Variants in POLR3H observed in about 807,000 individuals in gnomAD.
POLR3H encodes the protein RNA polymerase III subunit H, also known as DNA-directed RNA polymerase III subunit RPC8.
Under a neutral mutation model 25.5 loss-of-function variants are expected in POLR3H, and 17 were observed. The ratio of observed to expected loss-of-function variants is 0.67; its 90% CI spans 0.46 to 1.00. POLR3H has a LOEUF of 1.00. Ranked by LOEUF, POLR3H falls within the 50% of genes least tolerant of loss-of-function variation. The pLI, the probability that POLR3H is intolerant of heterozygous loss-of-function variation, is 0.00. For synonymous variants in POLR3H, 129 were observed against 103.0 expected (o/e 1.25, Z -1.53); for missense variants, 274 against 265.0 (o/e 1.03, Z -0.24).
rs775037630 is a variant in POLR3H, at chr22:41,530,885, G to A, written c.363C>T (p.Asp121=). The A allele has an allele frequency of 4.2e-5, 67 of 1,613,566 alleles. No homozygotes were observed. Among genetic ancestry groups the A allele is most frequent in the Non-Finnish European group, 5.1e-5 (60 of 1,180,018 alleles). The change falls in exon 5 of 6, where the codon GAC becomes GAT. Residue 121 remains aspartate (D), a synonymous_variant. Coordinates refer to ENST00000355209, the MANE Select transcript of POLR3H (RefSeq NM_001018050.4). ...CCCACACCCACACCTGCTCCGCTTC[G>A]TCGCTGAGGGGGTCCAGGGTCAAGG... ...PESLQQPAKF[D]EAEQVWVWEY... is the part of the protein sequence containing the mutation.
At chr22:41,538,556 G>A (rs900340945) in intron 2 of POLR3H, among the ~76,000 whole-genome samples, 2 of 152,026 alleles carry the variant, frequency 1.3e-5, no homozygotes, top group Non-Finnish European at 2.9e-5. Context: ...CACCACACCC[G>A]GCCGCAACTT....
chr22:41,527,537 G>T lies in POLR3H; in HGVS notation c.*1746C>A, dbSNP rs773647833. 22 of 1,384,062 alleles carry T rather than the reference G, an allele frequency of 1.6e-5. No homozygotes were observed. The highest frequency in any genetic ancestry group is 2.7e-4 in the Middle Eastern group (1 of 3,754). 85.7% of individuals were successfully genotyped at this position (1,384,062 alleles called of 1,614,324 possible). A position where few individuals can be genotyped will look rare whatever the true frequency, so the allele number is the denominator to read the frequency against. On this transcript the variant is annotated 3_prime_UTR_variant, in exon 6 of 6. Coordinates refer to ENST00000355209, the MANE Select transcript of POLR3H (RefSeq NM_001018050.4). Reference sequence around the variant, plus strand: ...AGGCTGTGTCCACTGCAGCCCACAGGCCCGTCAGCCTCTTGCCCCTTCTTA... The same window carrying T: ...AGGCTGTGTCCACTGCAGCCCACAGTCCCGTCAGCCTCTTGCCCCTTCTTA...
At chr22:41,534,937 G>T (rs1424479497) in intron 2 of POLR3H, among the ~76,000 whole-genome samples, 1 of 151,746 alleles carries the variant, frequency 6.6e-6, no homozygotes, top group East Asian at 1.9e-4. Context: ...TAGTGGTGAT[G>T]GCTTAGCTGA....
chr22:41,533,954 C>T (rs1251389264), intron 2 of POLR3H, among the ~76,000 whole-genome samples: 1 of 152,112 alleles, frequency 6.6e-6, no homozygotes, highest in Non-Finnish European at 1.5e-5. Context: ...GCCTGGCCAA[C>T]ATGATAAAAC....
intron 2 of POLR3H, among the ~76,000 whole-genome samples, chr22:41,537,964 A>G (rs1265204668): frequency 6.8e-6 from 1 of 146,250 alleles, no homozygotes; most frequent in African/African-American, 2.5e-5. Context: ...AGACCTGGCT[A>G]ATTTTTTTTT....
rs376328396 is a variant in POLR3H, at chr22:41,540,226, G to A, written c.208+473C>T. The stretch of plus-strand genomic sequence containing the variant: ...CTTCCGTCTGCTCTCCACAGGCAGC[G>A]GGAAGCCCGAGGAATGGACAAGGTG... On this transcript the variant is annotated intron_variant, in intron 2 of 5. Transcript: ENST00000355209. 28 of 269,708 alleles carry A rather than the reference G, an allele frequency of 1.0e-4. 1 individual carries two copies. Among genetic ancestry groups the A allele is most frequent in the East Asian group, 9.7e-4 (10 of 10,330 alleles). The allele number at this position is 269,708 out of a possible 1,614,324, so 16.7% of individuals were successfully genotyped here.
At chr22:41,541,023 C>A (rs1290163610) in intron 1 of POLR3H, among the ~76,000 whole-genome samples, 2 of 152,146 alleles carry the variant, frequency 1.3e-5, no homozygotes, top group Non-Finnish European at 2.9e-5. Flanking sequence ...GTTCCAAGGC[C>A]AGCTCCACCA....
intron 3 of POLR3H, 118 bp downstream of exon 3, chr22:41,532,541 A>G: frequency 6.4e-7 from 1 of 1,561,604 alleles, no homozygotes; most frequent in Non-Finnish European, 8.7e-7. Context: ...CTTCTCTGAC[A>G]CCACGGGGAA....
At chr22:41,532,260 C>T (rs2066750749) in intron 3 of POLR3H, 103 bp from the exon 4 acceptor site, 1 of 1,163,316 alleles carries the variant, frequency 8.6e-7, no homozygotes, top group African/African-American at 1.5e-5. Flanking sequence ...TGGGGCTGCC[C>T]ACGAGGCGGA....
chr22:41,540,392 G>A lies in POLR3H; in HGVS notation c.208+307C>T, dbSNP rs555860449. On this transcript the variant is annotated intron_variant, in intron 2 of 5. Transcript: ENST00000355209. ...GAGGCCCAGAGAAGAGAAGTCTGCC[G>A]CTGTCACCGGGTCAATTCCTGGCCG... 6.6e-5 allele frequency: 27 copies of A among 406,080 alleles called. 1 individual carries two copies. The highest frequency in any genetic ancestry group is 3.5e-4 in the East Asian group (6 of 17,380). 25.2% of individuals were successfully genotyped at this position (406,080 alleles called of 1,614,324 possible).
Position 41,528,341 on chromosome 22 carries a change from G to C in POLR3H, c.*942C>G, listed in dbSNP as rs2066647435. On this transcript the variant is annotated 3_prime_UTR_variant, in exon 6 of 6. Coordinates refer to ENST00000355209, the MANE Select transcript of POLR3H (RefSeq NM_001018050.4). ...CACCTGGGTCTGACCTGGGCCATCA[G>C]GCACAGACTGGCCTAGGATTTGGTT... The C allele has an allele frequency of 7.8e-7, 1 of 1,277,560 alleles. No individual in the cohort carries two copies. The highest frequency in any genetic ancestry group is 2.5e-5 in the Admixed American group (1 of 39,678). 79.1% of individuals were successfully genotyped at this position (1,277,560 alleles called of 1,614,324 possible).
chr22:41,534,105 C>G (rs2066798206), intron 2 of POLR3H, among the ~76,000 whole-genome samples: 1 of 152,006 alleles, frequency 6.6e-6, no homozygotes, highest in African/African-American at 2.4e-5. Flanking sequence ...CCACTGCGCT[C>G]CAGCCTGGGC....
chr22:41,544,023 C>T lies in POLR3H; in HGVS notation c.79G>A (p.Ala27Thr), dbSNP rs554899880. Reference sequence around the variant, plus strand: ...GCCAACTTCTTGTTCAGCTCCTCGGCAATGGAGTCGTTGAGCTTCCTCTCA... The same window carrying T: ...GCCAACTTCTTGTTCAGCTCCTCGGTAATGGAGTCGTTGAGCTTCCTCTCA... Reference protein sequence around the residue: ...QFERKLNDSIAEELNKKLANK... With the variant: ...QFERKLNDSITEELNKKLANK... The change falls in exon 1 of 6, where the codon GCC becomes ACC. Residue 27 changes from alanine (A) to threonine (T), a missense_variant. Coordinates refer to ENST00000355209, the MANE Select transcript of POLR3H (RefSeq NM_001018050.4). 5.8e-5 allele frequency: 93 copies of T among 1,613,874 alleles called. 1 individual carries two copies. The South Asian group carries it at 9.6e-4, about 17-fold the overall frequency.
chr22:41,529,196 T>G lies in POLR3H; in HGVS notation c.*87A>C, dbSNP rs2066669271. The G allele has an allele frequency of 2.5e-6, 3 of 1,208,302 alleles. No homozygotes were observed. In the South Asian group the frequency reaches 4.0e-5, roughly 16 times the overall value. The allele number at this position is 1,208,302 out of a possible 1,614,324, so 74.8% of individuals were successfully genotyped here. A position where few individuals can be genotyped will look rare whatever the true frequency, so the allele number is the denominator to read the frequency against. On this transcript the variant is annotated 3_prime_UTR_variant, in exon 6 of 6. Transcript: ENST00000355209. Reference sequence around the variant, plus strand: ...CTGTCCAGCTCGAGACACTATCTCCTTAGCATCGGCCTCAGCTGCTGTTGT... The same window carrying G: ...CTGTCCAGCTCGAGACACTATCTCCGTAGCATCGGCCTCAGCTGCTGTTGT...
At chr22:41,543,673 T>C in intron 1 of POLR3H, 4 of 469,574 alleles carry the variant, frequency 8.5e-6, no homozygotes, top group South Asian at 7.5e-5. Flanking sequence ...ACAAAAACAA[T>C]GCATGGCTGG....
intron 3 of POLR3H, 199 bp downstream of exon 3, chr22:41,532,460 G>C: frequency 1.0e-6 from 1 of 957,216 alleles, no homozygotes; most frequent in Admixed American, 2.8e-5. Flanking sequence ...AGTCCTGAGT[G>C]ACGGCCTCAC....
rs1213893717 is a variant in POLR3H, at chr22:41,526,320, G to A, written c.*2963C>T. ...GCTGCTGGCCCCTGGCTCAAGTTCC[G>A]TGGGCACTTGGATAACATCTCCAAC... On this transcript the variant is annotated 3_prime_UTR_variant, in exon 6 of 6. Transcript: ENST00000355209. 1.2e-6 allele frequency: 2 copies of A among 1,612,806 alleles called. No homozygotes were observed. Among genetic ancestry groups the A allele is most frequent in the Non-Finnish European group, 1.7e-6 (2 of 1,180,034 alleles).
rs1363202301 is a variant in POLR3H, at chr22:41,527,972, C to A, written c.*1311G>T. 6.2e-7 allele frequency: 1 copy of A among 1,614,102 alleles called. No homozygotes were observed. The highest frequency in any genetic ancestry group is 1.3e-5 in the African/African-American group (1 of 74,952). ...CCCGGCTGACTACAACAAGATTCAC[C>A]CTGTGGACAAGCTGACCATTCAGGG... On this transcript the variant is annotated 3_prime_UTR_variant, in exon 6 of 6. Transcript: ENST00000355209.
chr22:41,543,791 C>G, intron 1 of POLR3H, 200 bp downstream of exon 1: 1 of 699,534 alleles, frequency 1.4e-6, no homozygotes, highest in Non-Finnish European at 2.7e-6. Flanking sequence ...GAATCTAACA[C>G]TTCCAGTTAC....
Sources: allele counts gnomAD v4.1 joint callset (sites outside exome capture counted in the v4.1 genomes callset), GRCh38; gene constraint gnomAD v4.1.1; transcripts MANE v1.5; gene names NCBI Gene and HGNC (gene_info 2026-07-23, HGNC 2026-07-21).